Variants in PXDNL observed in about 807,000 individuals in gnomAD.
PXDNL encodes the protein peroxidasin like, also known as probable oxidoreductase PXDNL.
Under a neutral mutation model 150.8 loss-of-function variants are expected in PXDNL, and 145 were observed. The observed-to-expected ratio is 0.96, with a 90% CI of 0.84 to 1.10. PXDNL has a LOEUF of 1.10. Among genes scored for constraint, PXDNL ranks in the 50% least tolerant of loss-of-function variants. The pLI, the probability that PXDNL is intolerant of heterozygous loss-of-function variation, is 0.00. For synonymous variants in PXDNL, 757 were observed against 725.7 expected (o/e 1.04, Z -0.69); for missense variants, 2,087 against 1,873.9 (o/e 1.11, Z -2.10).
At chr8:51,440,519 G>C (rs1188627134) in intron 12 of PXDNL, among the ~76,000 whole-genome samples, 1 of 152,102 alleles carries the variant, frequency 6.6e-6, no homozygotes, top group Non-Finnish European at 1.5e-5. Context: ...CATCATGAAT[G>C]AGTCCACACC....
intron 12 of PXDNL, among the ~76,000 whole-genome samples, chr8:51,445,019 T>TCCTCAGCCTCCCA (rs1283361815): frequency 2.0e-5 from 3 of 151,862 alleles, no homozygotes; most frequent in Non-Finnish European, 4.4e-5. Flanking sequence ...CGATTCTCCC[T>TCCTCAGCCTCCCA]CCTCAGCCTC....
chr8:51,409,622 G>T, intron 16 of PXDNL, 61 bp from the exon 17 acceptor site: 3 of 1,419,900 alleles, frequency 2.1e-6, no homozygotes, highest in South Asian at 2.8e-5. Context: ...GGGCAACTTG[G>T]AACTCCAGAT....
In PXDNL at chr8:51,472,276, C is replaced by T. The variant is rs759171210; in HGVS notation, c.723G>A (p.Gln241=). ...TATTTCCTGATGGTACCTCCACATCCTGCGGCTCAAAAGTAATTCGGGGGC... is the reference window on the plus strand; with the variant it reads ...TATTTCCTGATGGTACCTCCACATCTTGCGGCTCAAAAGTAATTCGGGGGC... ...CQSPRITFEP[Q]DVEVPSGNTV... The change falls in exon 8 of 23, where the codon CAG becomes CAA. Residue 241 remains glutamine, a synonymous_variant. Coordinates refer to ENST00000356297, the MANE Select transcript of PXDNL (RefSeq NM_144651.5). The T allele has an allele frequency of 1.2e-6, 2 of 1,613,030 alleles. No homozygotes were observed. Among genetic ancestry groups the T allele is most frequent in the Non-Finnish European group, 8.5e-7 (1 of 1,179,224 alleles).
chr8:51,637,533 C>T (rs921151317), intron 2 of PXDNL, among the ~76,000 whole-genome samples: 2 of 152,112 alleles, frequency 1.3e-5, no homozygotes, highest in East Asian at 3.8e-4. Context: ...AAAACCATTG[C>T]ACAAGAACTA....
intron 4 of PXDNL, among the ~76,000 whole-genome samples, chr8:51,534,425 T>G (rs1812007495): frequency 8.7e-6 from 1 of 114,786 alleles, no homozygotes. Context: ...CGGCCGCCCC[T>G]ACTGGGAAGT....
At chr8:51,451,498 G>A (rs994410819) in intron 10 of PXDNL, among the ~76,000 whole-genome samples, 1 of 152,196 alleles carries the variant, frequency 6.6e-6, no homozygotes, top group Non-Finnish European at 1.5e-5. Flanking sequence ...CCGAGATGAA[G>A]TGTTTTGCTA....
Position 51,732,901 on chromosome 8 carries a change from C to T in PXDNL, c.164+76280G>A, listed in dbSNP as rs1247444849. On this transcript the variant is annotated intron_variant, in intron 1 of 22. Coordinates refer to ENST00000356297, the MANE Select transcript of PXDNL (RefSeq NM_144651.5). ...CCATGATGTGTGGGAATTATGGGAG[C>T]TACAATTCAAGATGAGATTTGGGTG... Among the ~76,000 whole-genome samples, 8 of 152,178 alleles carry T rather than the reference C, an allele frequency of 5.3e-5. 1 individual carries two copies. In the South Asian group the frequency reaches 8.3e-4, roughly 16 times the overall value.
intron 1 of PXDNL, among the ~76,000 whole-genome samples, chr8:51,720,352 T>C (rs1816704964): frequency 6.6e-6 from 1 of 152,086 alleles, no homozygotes; most frequent in Non-Finnish European, 1.5e-5. Context: ...TTTGAATATG[T>C]TTTTGGAAGG....
At chr8:51,766,141 T>C (rs4285479) in intron 1 of PXDNL, among the ~76,000 whole-genome samples, 77,167 of 152,154 alleles carry the variant, frequency 0.51, 23,830 homozygotes, top group Non-Finnish European at 0.68. Context: ...TTTATTCTTT[T>C]ACTATATTTT....
chr8:51,797,614 C>A (rs1238970722), intron 1 of PXDNL, among the ~76,000 whole-genome samples: 2 of 152,168 alleles, frequency 1.3e-5, no homozygotes, highest in Non-Finnish European at 2.9e-5. Context: ...ATACAACTTA[C>A]AAGGTACGTG....
chr8:51,438,689 T>C (rs1457431778), intron 12 of PXDNL, among the ~76,000 whole-genome samples: 1 of 152,060 alleles, frequency 6.6e-6, no homozygotes, highest in Non-Finnish European at 1.5e-5. Context: ...CACTCCAGCC[T>C]GGGCAACAGA....
At chr8:51,760,328 C>G (rs1460696967) in intron 1 of PXDNL, among the ~76,000 whole-genome samples, 1 of 151,498 alleles carries the variant, frequency 6.6e-6, no homozygotes, top group Non-Finnish European at 1.5e-5. Flanking sequence ...GTTAGTAAAG[C>G]TCACAAAGTA....
intron 1 of PXDNL, among the ~76,000 whole-genome samples, chr8:51,801,975 A>C (rs1285295761): frequency 1.3e-5 from 2 of 152,162 alleles, no homozygotes; most frequent in Non-Finnish European, 1.5e-5. Context: ...ACATGAGTAC[A>C]TGAATCTTAA....
In PXDNL at chr8:51,794,186, C is replaced by T. The variant is rs535751424; in HGVS notation, c.164+14995G>A. On this transcript the variant is annotated intron_variant, in intron 1 of 22. Coordinates refer to ENST00000356297, the MANE Select transcript of PXDNL (RefSeq NM_144651.5). ...TATGTGAAAAGACGGAACCTATGAC[C>T]GATTGGGGTACTTGAAAGAGATGGG... Among the ~76,000 whole-genome samples the T allele has an allele frequency of 8.5e-5, 13 of 152,122 alleles. 1 individual carries two copies. The South Asian group carries it at 2.3e-3, about 27-fold the overall frequency.
intron 3 of PXDNL, among the ~76,000 whole-genome samples, chr8:51,568,900 C>T (rs1812876275): frequency 6.6e-6 from 1 of 151,882 alleles, no homozygotes; most frequent in East Asian, 1.9e-4. Flanking sequence ...CCATCAAAGT[C>T]ATTCTTAATT....
At chr8:51,445,176 T>A (rs955686178) in intron 12 of PXDNL, among the ~76,000 whole-genome samples, 5 of 152,156 alleles carry the variant, frequency 3.3e-5, no homozygotes, top group African/African-American at 1.2e-4. Flanking sequence ...AGCCTCAGCC[T>A]CTCAAAGTGT....
chr8:51,407,539 A>T (rs1808470147), intron 17 of PXDNL, among the ~76,000 whole-genome samples: 1 of 152,212 alleles, frequency 6.6e-6, no homozygotes, highest in African/African-American at 2.4e-5. Context: ...TGAAACTTCA[A>T]ATCCCGTATG....
intron 3 of PXDNL, among the ~76,000 whole-genome samples, chr8:51,580,909 AT>A (rs551944117): frequency 1.0e-3 from 159 of 152,286 alleles, no homozygotes; most frequent in Admixed American, 4.2e-3. Context: ...GGCAAACTCC[AT>A]AGATATTTTT....
chr8:51,664,741 G>GC (rs1815345804), intron 1 of PXDNL, among the ~76,000 whole-genome samples: 1 of 152,020 alleles, frequency 6.6e-6, no homozygotes, highest in Non-Finnish European at 1.5e-5. Flanking sequence ...GACTTGGCAG[G>GC]AGTGAGATGC....
Sources: gnomAD v4.1 joint callset for allele counts (sites outside exome capture counted in the v4.1 genomes callset) on GRCh38, gnomAD v4.1.1 for gene constraint, MANE v1.5 for transcripts, NCBI Gene and HGNC (gene_info 2026-07-23, HGNC 2026-07-21) for gene names.